GFOD1: variants seen among roughly 807,000 people sequenced by gnomAD.
GFOD1 encodes glucose-fructose oxidoreductase domain-containing protein 1.
GFOD1 carries 9 observed loss-of-function variants against 25.4 expected under a neutral mutation model. The observed-to-expected ratio is 0.35, with a 90% CI of 0.21 to 0.62. GFOD1 has a LOEUF of 0.62. GFOD1 is among the 20% of genes least tolerant of loss of function. The pLI is 0.72. For synonymous variants in GFOD1, 253 were observed against 245.6 expected (o/e 1.03, Z -0.28); for missense variants, 403 against 556.9 (o/e 0.72, Z 2.78).
At chr6:13,383,747 C>T (rs1485932610) in intron 1 of GFOD1, among the ~76,000 whole-genome samples, 1 of 152,186 alleles carries the variant, frequency 6.6e-6, no homozygotes, top group Non-Finnish European at 1.5e-5. Context: ...TTAGAAATGC[C>T]AACTAACATC....
At chr6:13,433,035 C>G (rs763481125) in intron 1 of GFOD1, among the ~76,000 whole-genome samples, 1 of 151,958 alleles carries the variant, frequency 6.6e-6, no homozygotes, top group Non-Finnish European at 1.5e-5. Context: ...CCCCAGTCTA[C>G]ATGATCAACA....
intron 1 of GFOD1, among the ~76,000 whole-genome samples, chr6:13,424,821 C>T (rs182513550): frequency 6.6e-6 from 1 of 152,158 alleles, no homozygotes; most frequent in Non-Finnish European, 1.5e-5. Context: ...ATCTAGAGAA[C>T]TTCTCATGAG....
intron 1 of GFOD1, among the ~76,000 whole-genome samples, chr6:13,386,673 C>T (rs1785482600): frequency 6.6e-6 from 1 of 152,164 alleles, no homozygotes; most frequent in African/African-American, 2.4e-5. Context: ...CCTTTACTTT[C>T]AGAGGCTGAA....
At chr6:13,426,085 A>G (rs965567358) in intron 1 of GFOD1, among the ~76,000 whole-genome samples, 8 of 152,200 alleles carry the variant, frequency 5.3e-5, no homozygotes, top group African/African-American at 1.4e-4. Context: ...CTCTACCTCT[A>G]AGTCTCCAGG....
At chr6:13,384,125 G>A (rs1785419725) in intron 1 of GFOD1, among the ~76,000 whole-genome samples, 1 of 152,176 alleles carries the variant, frequency 6.6e-6, no homozygotes, top group Admixed American at 6.5e-5. Context: ...TACTCAGGAG[G>A]CTGAGGCAGG....
At chr6:13,423,061 G>A (rs1026516320) in intron 1 of GFOD1, among the ~76,000 whole-genome samples, 12 of 152,258 alleles carry the variant, frequency 7.9e-5, no homozygotes, top group Non-Finnish European at 1.3e-4. Context: ...CATGTCCGAC[G>A]GTGGCAGAGA....
intron 1 of GFOD1, among the ~76,000 whole-genome samples, chr6:13,374,431 T>C (rs1320886531): frequency 3.3e-5 from 5 of 151,634 alleles, no homozygotes; most frequent in Admixed American, 2.6e-4. Context: ...GTCTCCTTAG[T>C]AGCTGGGGTT....
At chr6:13,398,280 C>T (rs1785775136) in intron 1 of GFOD1, among the ~76,000 whole-genome samples, 1 of 140,866 alleles carries the variant, frequency 7.1e-6, no homozygotes, top group East Asian at 2.1e-4. Context: ...TAACAGCATT[C>T]ACAGACACCT....
At chr6:13,441,014 A>G (rs1370870803) in intron 1 of GFOD1, among the ~76,000 whole-genome samples, 1 of 152,230 alleles carries the variant, frequency 6.6e-6, no homozygotes, top group Non-Finnish European at 1.5e-5. Flanking sequence ...TCATCTGCTA[A>G]CCTAAAAGTC....
chr6:13,409,146 AAAGAGAGG>A lies in GFOD1; in HGVS notation c.254-43492_254-43485del, dbSNP rs1260929639. On this transcript the variant is annotated intron_variant, in intron 1 of 1. Transcript: ENST00000379287. ...GAAAGAAAGAAAGAAAGAAAGAAAG[AAAGAGAGG>A]AAAGAAAGAAAGGAAAGAGAGAGAG... is the stretch of plus-strand genomic sequence containing the variant. Among the ~76,000 whole-genome samples, 15 of 33,458 alleles carry A rather than the reference AAAGAGAGG, an allele frequency of 4.5e-4. 2 individuals are homozygous for A. Among genetic ancestry groups the A allele is most frequent in the African/African-American group, 8.6e-4 (15 of 17,376 alleles). 21.9% of individuals were successfully genotyped at this position (33,458 alleles called of 152,430 possible). A position where few individuals can be genotyped will look rare whatever the true frequency, so the allele number is the denominator to read the frequency against.
At position 13,417,820 on chromosome 6, in the gene GFOD1, A is replaced by C. The variant is rs1165959237; in HGVS notation, c.254-52158T>G. ...TCAGTTGCCATGTTTTTGTCGAAAC[A>C]ACAATGCATGTCTGGGTTCAGAACC... On this transcript the variant is annotated intron_variant, in intron 1 of 1. Transcript: ENST00000379287. 2.0e-5 allele frequency among the ~76,000 whole-genome samples: 3 copies of C among 152,190 alleles called. No homozygotes were observed. The East Asian group carries it at 5.8e-4, about 29-fold the overall frequency.
chr6:13,470,334 A>G, intron 1 of GFOD1: 1 of 1,567,682 alleles, frequency 6.4e-7, no homozygotes, highest in Non-Finnish European at 8.6e-7. Flanking sequence ...TGTGCAGCTA[A>G]ATCTCAGTTC....
At chr6:13,457,428 C>T (rs1758208564) in intron 1 of GFOD1, among the ~76,000 whole-genome samples, 2 of 152,164 alleles carry the variant, frequency 1.3e-5, no homozygotes, top group Non-Finnish European at 2.9e-5. Flanking sequence ...CCCAATATTC[C>T]GGGGCAGGAC....
chr6:13,472,483 T>C (rs947417619), intron 1 of GFOD1, among the ~76,000 whole-genome samples: 64 of 152,226 alleles, frequency 4.2e-4, no homozygotes, highest in Non-Finnish European at 3.1e-4. Context: ...AACAAAGCCC[T>C]GTTTAGGTCA....
intron 1 of GFOD1, among the ~76,000 whole-genome samples, chr6:13,440,367 T>A (rs1757895941): frequency 6.6e-6 from 1 of 152,094 alleles, no homozygotes; most frequent in African/African-American, 2.4e-5. Flanking sequence ...TTTTGTATAT[T>A]TTTAGTAGAG....
chr6:13,365,383 G>A lies in GFOD1; in HGVS notation c.533C>T (p.Thr178Ile). The A allele has an allele frequency of 6.2e-7, 1 of 1,614,108 alleles. No individual in the cohort carries two copies. Among genetic ancestry groups the A allele is most frequent in the Non-Finnish European group, 8.5e-7 (1 of 1,179,988 alleles). Residue 178 changes from threonine (T) to isoleucine (I), a missense_variant, in exon 2 of 2, where the codon ACC becomes ATC. Physicochemically the swap from Thr to Ile is moderately conservative, Grantham distance 89. Coordinates refer to ENST00000379287, the MANE Select transcript of GFOD1 (RefSeq NM_018988.4). The surrounding 1 kb of genome is among the most constrained non-coding windows in gnomAD (Gnocchi z 9.2). Reference protein sequence around the residue: ...MGGGGLHSVGTYIIDLLTFLT... With the variant: ...MGGGGLHSVGIYIIDLLTFLT... The stretch of plus-strand genomic sequence containing the variant: ...GAAGGTGAGCAGGTCGATGATGTAG[G>A]TGCCCACGGAGTGCAGGCCGCCGCC...
At chr6:13,470,548 G>T in intron 1 of GFOD1, 1 of 1,546,646 alleles carries the variant, frequency 6.5e-7, no homozygotes, top group East Asian at 2.4e-5. Flanking sequence ...GGGAGCAGAA[G>T]CTCAGCTGAA....
chr6:13,372,297 C>T (rs1244429651), intron 1 of GFOD1, among the ~76,000 whole-genome samples: 1 of 152,296 alleles, frequency 6.6e-6, no homozygotes, highest in South Asian at 2.1e-4. Flanking sequence ...AGCTTTACTG[C>T]CCTCCTGAGA....
At chr6:13,384,355 T>C (rs1271558973) in intron 1 of GFOD1, among the ~76,000 whole-genome samples, 1 of 152,260 alleles carries the variant, frequency 6.6e-6, no homozygotes, top group Non-Finnish European at 1.5e-5. Context: ...CTTAGTCACT[T>C]ACTCTATGAA....
Sources: gnomAD v4.1 joint callset for allele counts (sites outside exome capture counted in the v4.1 genomes callset) on GRCh38, gnomAD v4.1.1 for gene constraint, Gnocchi (gnomAD v3.1) non-coding constraint, MANE v1.5 for transcripts, NCBI Gene and HGNC (gene_info 2026-07-23, HGNC 2026-07-21) for gene names.